The following NPEPL1 variants were observed in gnomAD, a reference collection of about 807,000 sequenced individuals.
NPEPL1 encodes probable aminopeptidase NPEPL1.
A neutral mutation model predicts 52.4 loss-of-function variants in NPEPL1; 45 were observed. The ratio of observed to expected loss-of-function variants is 0.86; its 90% CI spans 0.68 to 1.10. NPEPL1 has a LOEUF of 1.10. Among genes scored for constraint, NPEPL1 ranks in the 50% least tolerant of loss-of-function variants. The pLI is 0.00. For missense variants in NPEPL1, 696 were observed against 710.9 expected (o/e 0.98, Z 0.24); for synonymous variants, 360 against 314.7 (o/e 1.14, Z -1.52).
chr20:58,705,018 A>G (rs2084710442), intron 6 of NPEPL1, among the ~76,000 whole-genome samples: 1 of 152,224 alleles, frequency 6.6e-6, no homozygotes, highest in Non-Finnish European at 1.5e-5. Flanking sequence ...ATTATATAGT[A>G]TCAAAAAATC....
chr20:58,698,907 G>A, intron 4 of NPEPL1, 134 bp downstream of exon 4: 1 of 753,808 alleles, frequency 1.3e-6, no homozygotes, highest in Non-Finnish European at 2.1e-6. Flanking sequence ...CCTCGGCGGA[G>A]CGCTGCTGTC....
At chr20:58,704,413 G>C in intron 6 of NPEPL1, 1 of 978,718 alleles carries the variant, frequency 1.0e-6, no homozygotes, top group Non-Finnish European at 1.2e-6. Context: ...ACCCCAAAGA[G>C]GCTTTTTGTA....
At chr20:58,696,226 C>T (rs1378082206) in intron 3 of NPEPL1, among the ~76,000 whole-genome samples, 2 of 152,230 alleles carry the variant, frequency 1.3e-5, no homozygotes, top group South Asian at 2.1e-4. Context: ...AGACTGGCCA[C>T]GCCCACTCCT....
upstream of NPEPL1, chr20:58,691,622 G>GAC: frequency 1.5e-6 from 1 of 646,144 alleles, no homozygotes; most frequent in South Asian, 1.8e-5. Context: ...GGCCAGCTGG[G>GAC]AGGTCAGTGG....
intron 3 of NPEPL1, among the ~76,000 whole-genome samples, chr20:58,697,675 C>T (rs577387702): frequency 1.0e-3 from 156 of 152,314 alleles, no homozygotes; most frequent in East Asian, 5.8e-4. Flanking sequence ...CAAGGGAGGC[C>T]GTGCAAGCAG....
chr20:58,696,970 C>T (rs2084506169), intron 3 of NPEPL1, among the ~76,000 whole-genome samples: 1 of 152,244 alleles, frequency 6.6e-6, no homozygotes. Context: ...ACCCACGTGG[C>T]CTGTACTCAG....
At chr20:58,708,124 C>T (rs548928846) in intron 7 of NPEPL1, among the ~76,000 whole-genome samples, 4 of 152,298 alleles carry the variant, frequency 2.6e-5, no homozygotes, top group African/African-American at 7.2e-5. Context: ...ACTCATCAGC[C>T]GAGGTTTTAC....
At chr20:58,714,437 C>G in intron 10 of NPEPL1, 123 bp from the exon 11 acceptor site, 1 of 701,520 alleles carries the variant, frequency 1.4e-6, no homozygotes, top group Non-Finnish European at 2.3e-6. Context: ...GCTGCCTCCC[C>G]ACACGCTCCC....
At chr20:58,699,140 GT>G in intron 4 of NPEPL1, 56 bp from the exon 5 acceptor site, 1 of 1,494,036 alleles carries the variant, frequency 6.7e-7, no homozygotes, top group Non-Finnish European at 9.1e-7. Flanking sequence ...GGCCTCTCCT[GT>G]TTCCAGCCAT....
In NPEPL1 at chr20:58,713,546, G is replaced by C. The variant is rs1308701782; in HGVS notation, c.1125+3G>C. On this transcript the variant is annotated splice_donor_region_variant and intron_variant, in intron 9 of 11. Coordinates refer to ENST00000356091, the MANE Select transcript of NPEPL1 (RefSeq NM_024663.4). This position sits in a 1 kb window ranked among gnomAD's most constrained non-coding sequence, Gnocchi z 4.6. ...TGGCCACCCTGACCGGGGCTCAGGT[G>C]AGTGCTCCCTGGATCCACCCCTTAG... is the stretch of plus-strand genomic sequence containing the variant. 1 of 1,599,716 alleles carries C rather than the reference G, an allele frequency of 6.3e-7. No individual in the cohort carries two copies. Among genetic ancestry groups the C allele is most frequent in the Non-Finnish European group, 8.5e-7 (1 of 1,171,682 alleles).
In NPEPL1 at chr20:58,715,547, T is replaced by C; in HGVS notation, c.*221T>C. On this transcript the variant is annotated 3_prime_UTR_variant, in exon 12 of 12. Transcript: ENST00000356091. Reference sequence around the variant, plus strand: ...CTGGGGCTTGTTTCTGTTTGTTACTTACAGGACTGAGACATCTTCTGTAAA... The same window carrying C: ...CTGGGGCTTGTTTCTGTTTGTTACTCACAGGACTGAGACATCTTCTGTAAA... The C allele has an allele frequency of 2.0e-6, 1 of 492,084 alleles. No individual in the cohort carries two copies. Among genetic ancestry groups the C allele is most frequent in the Non-Finnish European group, 3.5e-6 (1 of 281,954 alleles). The allele number at this position is 492,084 out of a possible 1,614,324, so 30.5% of individuals were successfully genotyped here. A position where few individuals can be genotyped will look rare whatever the true frequency, so the allele number is the denominator to read the frequency against.
chr20:58,713,845 G>A lies in NPEPL1; in HGVS notation c.1126-72G>A. On this transcript the variant is annotated intron_variant, in intron 9 of 11. Transcript: ENST00000356091. This position sits in a 1 kb window ranked among gnomAD's most constrained non-coding sequence, Gnocchi z 4.6. ...CCCTTATTTCTCTGTCTGCCTCCCG[G>A]TCCCTCTTTTGCCTTGGGTGTTTCT... The A allele has an allele frequency of 7.2e-7, 1 of 1,379,536 alleles. No individual in the cohort carries two copies. Among genetic ancestry groups the A allele is most frequent in the South Asian group, 1.7e-5 (1 of 58,876 alleles). 85.5% of individuals were successfully genotyped at this position (1,379,536 alleles called of 1,614,324 possible).
chr20:58,715,609 GCCT>G lies in NPEPL1; in HGVS notation c.*287_*289del. The G allele has an allele frequency of 3.6e-6, 1 of 279,700 alleles. No homozygotes were observed. 17.3% of individuals were successfully genotyped at this position (279,700 alleles called of 1,614,324 possible). A position where few individuals can be genotyped will look rare whatever the true frequency, so the allele number is the denominator to read the frequency against. On this transcript the variant is annotated 3_prime_UTR_variant, in exon 12 of 12. Transcript: ENST00000356091. ...GGGGCCTTCTGCACCCCGGGGTGAG[GCCT>G]CCTGCCTGCCTGGTGCCCTGTCCCA...
intron 1 of NPEPL1, 114 bp downstream of exon 1, chr20:58,693,164 C>T (rs1489957949): frequency 1.3e-6 from 1 of 746,922 alleles, no homozygotes; most frequent in South Asian, 5.8e-5. Context: ...CCGGGCCCAA[C>T]GAGGCCGGGC....
At position 58,713,042 on chromosome 20, in the gene NPEPL1, C is replaced by T. The variant is rs6100178; in HGVS notation, c.1002-378C>T. 158 of 349,604 alleles carry T rather than the reference C, an allele frequency of 4.5e-4. 2 individuals are homozygous for T. The highest frequency in any genetic ancestry group is 2.8e-3 in the South Asian group (105 of 37,486). The allele number at this position is 349,604 out of a possible 1,614,324, so 21.7% of individuals were successfully genotyped here. A position where few individuals can be genotyped will look rare whatever the true frequency, so the allele number is the denominator to read the frequency against. ...TCTCCCCAGCCCCATGAGCTGGTGC[C>T]TGAGTGGGCGCCTCCCCGCATCTCC... On this transcript the variant is annotated intron_variant, in intron 8 of 11. Coordinates refer to ENST00000356091, the MANE Select transcript of NPEPL1 (RefSeq NM_024663.4). The surrounding 1 kb of genome is among the most constrained non-coding windows in gnomAD (Gnocchi z 4.6).
intron 3 of NPEPL1, among the ~76,000 whole-genome samples, chr20:58,695,758 T>C (rs1472959533): frequency 1.3e-5 from 2 of 152,172 alleles, no homozygotes; most frequent in East Asian, 1.9e-4. Flanking sequence ...TTTCCCTTCG[T>C]CTCTGAGCTT....
chr20:58,708,603 G>A (rs965449957), intron 7 of NPEPL1, among the ~76,000 whole-genome samples: 5 of 152,096 alleles, frequency 3.3e-5, no homozygotes, highest in South Asian at 2.1e-4. Context: ...TCCTCTGTGC[G>A]CTACTCCTTC....
upstream of NPEPL1, among the ~76,000 whole-genome samples, chr20:58,689,449 T>C (rs1188894594): frequency 1.3e-5 from 2 of 152,010 alleles, no homozygotes; most frequent in Admixed American, 6.6e-5. Context: ...TTAGTAGAGA[T>C]GGGTTTTCAC....
chr20:58,700,966 C>G, intron 5 of NPEPL1, 50 bp from the exon 6 acceptor site: 1 of 1,415,464 alleles, frequency 7.1e-7, no homozygotes, highest in Non-Finnish European at 9.3e-7. Flanking sequence ...TGGGAGTTCC[C>G]CGCTCAGCTC....
Sources: allele counts gnomAD v4.1 joint callset (sites outside exome capture counted in the v4.1 genomes callset), GRCh38; gene constraint gnomAD v4.1.1; non-coding constraint Gnocchi (gnomAD v3.1); transcripts MANE v1.5; gene names NCBI Gene and HGNC (gene_info 2026-07-23, HGNC 2026-07-21).